SPOP: variants seen among roughly 807,000 people sequenced by gnomAD.
SPOP encodes the protein speckle-type POZ protein.
SPOP carries 11 observed loss-of-function variants against 45.6 expected under a neutral mutation model. The ratio of observed to expected loss-of-function variants is 0.24; its 90% CI spans 0.15 to 0.40. The LOEUF (loss-of-function observed/expected upper bound fraction) is 0.40, where lower values mean the gene tolerates loss of function less well. Ranked by LOEUF, SPOP falls within the 10% of genes least tolerant of loss-of-function variation. The pLI, the probability that SPOP is intolerant of heterozygous loss-of-function variation, is 1.00. For missense variants in SPOP, 152 were observed against 465.6 expected (o/e 0.33, Z 6.20); for synonymous variants, 166 against 166.3 (o/e 1.00, Z 0.01).
intron 1 of SPOP, among the ~76,000 whole-genome samples, chr17:49,663,945 T>C (rs916315353): frequency 6.6e-6 from 1 of 152,216 alleles, no homozygotes; most frequent in Non-Finnish European, 1.5e-5. Context: ...GTGATATAAC[T>C]AATGTGGGTT....
At chr17:49,670,385 C>A (rs1350821939) in intron 1 of SPOP, among the ~76,000 whole-genome samples, 1 of 152,116 alleles carries the variant, frequency 6.6e-6, no homozygotes, top group Admixed American at 6.5e-5. Flanking sequence ...GAATATACAA[C>A]CAGGATTTAA....
chr17:49,600,143 A>G lies in SPOP; in HGVS notation c.*235T>C. The G allele has an allele frequency of 1.7e-6, 1 of 576,514 alleles. No individual in the cohort carries two copies. Among genetic ancestry groups the G allele is most frequent in the Non-Finnish European group, 3.0e-6 (1 of 327,962 alleles). The allele number at this position is 576,514 out of a possible 1,614,324, so 35.7% of individuals were successfully genotyped here. On this transcript the variant is annotated 3_prime_UTR_variant, in exon 10 of 10. Transcript: ENST00000504102. The surrounding 1 kb of genome is among the most constrained non-coding windows in gnomAD (Gnocchi z 4.2). The stretch of plus-strand genomic sequence containing the variant: ...ACTGAATCCCCACAGTATCAAACTC[A>G]GCCAGGCCAAAGGGAACACAGTGAC...
At chr17:49,668,509 C>G (rs1398621304) in intron 1 of SPOP, among the ~76,000 whole-genome samples, 1 of 151,848 alleles carries the variant, frequency 6.6e-6, no homozygotes, top group Non-Finnish European at 1.5e-5. Flanking sequence ...TAATAAACAC[C>G]AAATGCAAGA....
chr17:49,602,088 A>G, intron 8 of SPOP, 81 bp from the exon 9 acceptor site: 1 of 1,513,356 alleles, frequency 6.6e-7, no homozygotes, highest in African/African-American at 1.4e-5. Context: ...CTTTAGCTGT[A>G]CCATCATATT....
intron 1 of SPOP, among the ~76,000 whole-genome samples, chr17:49,633,273 C>T (rs1268235414): frequency 2.0e-5 from 3 of 152,108 alleles, no homozygotes; most frequent in Admixed American, 1.3e-4. Context: ...GCTAGTAAGG[C>T]TCATCTAGAT....
At chr17:49,635,015 C>T (rs866730332) in intron 1 of SPOP, among the ~76,000 whole-genome samples, 10 of 152,280 alleles carry the variant, frequency 6.6e-5, no homozygotes, top group Middle Eastern at 6.8e-3. Context: ...AGACCTCCTT[C>T]CAACTTTAAA....
At chr17:49,670,573 C>G (rs2073123799) in intron 1 of SPOP, among the ~76,000 whole-genome samples, 1 of 152,176 alleles carries the variant, frequency 6.6e-6, no homozygotes, top group East Asian at 1.9e-4. Context: ...AGGAGTCTAA[C>G]AAAACATTTT....
At chr17:49,612,711 G>C (rs1322650242) in intron 5 of SPOP, 1 of 152,204 alleles carries the variant, frequency 6.6e-6, no homozygotes, top group Non-Finnish European at 1.5e-5. Context: ...CCTAACAATT[G>C]TTGTTATGCT....
At chr17:49,658,648 T>C (rs1334283506) in intron 1 of SPOP, among the ~76,000 whole-genome samples, 1 of 152,190 alleles carries the variant, frequency 6.6e-6, no homozygotes, top group Non-Finnish European at 1.5e-5. Flanking sequence ...CCATCGGCGG[T>C]GGCAGGACAG....
chr17:49,667,243 A>AT (rs925467184), intron 1 of SPOP, among the ~76,000 whole-genome samples: 5 of 150,426 alleles, frequency 3.3e-5, no homozygotes, highest in South Asian at 4.2e-4. Flanking sequence ...CAAAAAAAAA[A>AT]TTTTTTTTTA....
At chr17:49,636,779 ACT>A (rs1386649380) in intron 1 of SPOP, 3 of 152,138 alleles carry the variant, frequency 2.0e-5, no homozygotes, top group Non-Finnish European at 4.4e-5. Context: ...CAGTAGGAAA[ACT>A]CTAATTTGTC....
rs546490221 is a variant in SPOP at position 49,607,867 on chromosome 17, T to A, written c.714+7A>T. Reference sequence around the variant, plus strand: ...CTAAACAGACATGTCTTCATCTTGTTACATACCTTTTTGCTCTCCTCCATT... The same window carrying A: ...CTAAACAGACATGTCTTCATCTTGTAACATACCTTTTTGCTCTCCTCCATT... On this transcript the variant is annotated splice_region_variant and intron_variant, in intron 7 of 9. Transcript: ENST00000504102. 6.2e-7 allele frequency: 1 copy of A among 1,610,860 alleles called. No homozygotes were observed. Among genetic ancestry groups the A allele is most frequent in the African/African-American group, 1.3e-5 (1 of 74,848 alleles).
chr17:49,635,988 G>GT (rs1416577072), intron 1 of SPOP, among the ~76,000 whole-genome samples: 1 of 151,684 alleles, frequency 6.6e-6, no homozygotes, highest in Non-Finnish European at 1.5e-5. Context: ...GGTCTTTTAT[G>GT]TTTTTTCTGT....
At chr17:49,671,079 G>T (rs1466330231) in intron 1 of SPOP, among the ~76,000 whole-genome samples, 1 of 151,970 alleles carries the variant, frequency 6.6e-6, no homozygotes, top group Non-Finnish European at 1.5e-5. Flanking sequence ...TGAGAGGTGG[G>T]GACAACGGGG....
chr17:49,610,212 C>T lies in SPOP; in HGVS notation c.658+1068G>A, dbSNP rs556184689. ...CACTAACCAAAGAGTTATAGACTTC[C>T]TTGAGTTTTGTTTTTTTTTCCCCCG... On this transcript the variant is annotated intron_variant, in intron 6 of 9. Coordinates refer to ENST00000504102, the MANE Select transcript of SPOP (RefSeq NM_001007228.2). Among the ~76,000 whole-genome samples, 14 of 152,090 alleles carry T rather than the reference C, an allele frequency of 9.2e-5. 1 individual carries two copies. The South Asian group carries it at 2.7e-3, about 29-fold the overall frequency.
At chr17:49,653,479 G>C (rs1405970464) in intron 1 of SPOP, among the ~76,000 whole-genome samples, 1 of 151,990 alleles carries the variant, frequency 6.6e-6, no homozygotes, top group African/African-American at 2.4e-5. Flanking sequence ...TGGTTGCAGA[G>C]AATTCCACTG....
rs780244378 is a variant in SPOP at position 49,619,336 on chromosome 17, G to A, written c.250C>T (p.Leu84=). ...KGLDEESKDY[L]SLYLLLVSCP... ...CTGACCAGTAACAGGTAAAGTGACA[G>A]GTAATCTTTGCTTTCTTCATCTAAC... The change falls in exon 4 of 10, where the codon CTG becomes TTG. Residue 84 remains leucine (L), a synonymous_variant. Coordinates refer to ENST00000504102, the MANE Select transcript of SPOP (RefSeq NM_001007228.2). This position sits in a 1 kb window ranked among gnomAD's most constrained non-coding sequence, Gnocchi z 4.9. 2 of 1,614,068 alleles carry A rather than the reference G, an allele frequency of 1.2e-6. No homozygotes were observed. The highest frequency in any genetic ancestry group is 1.1e-5 in the South Asian group (1 of 91,076).
chr17:49,640,208 G>A (rs1332826397), intron 1 of SPOP, among the ~76,000 whole-genome samples: 19 of 151,670 alleles, frequency 1.3e-4, no homozygotes, highest in Admixed American at 1.3e-3. Context: ...AGCCAAGATG[G>A]TGCCATTGCA....
intron 1 of SPOP, among the ~76,000 whole-genome samples, chr17:49,632,412 G>C (rs970276391): frequency 6.6e-6 from 1 of 152,046 alleles, no homozygotes; most frequent in African/African-American, 2.4e-5. Flanking sequence ...CCCAGAATAA[G>C]TCAATCCTGG....
Sources: allele counts gnomAD v4.1 joint callset (sites outside exome capture counted in the v4.1 genomes callset), GRCh38; gene constraint gnomAD v4.1.1; non-coding constraint Gnocchi (gnomAD v3.1); transcripts MANE v1.5; gene names NCBI Gene and HGNC (gene_info 2026-07-23, HGNC 2026-07-21).